The following CENPF variants were observed in gnomAD, a reference collection of about 807,000 sequenced individuals.
The protein encoded by CENPF is centromere protein F, also known as AH antigen.
A neutral mutation model predicts 307.3 loss-of-function variants in CENPF; 214 were observed. The ratio of observed to expected loss-of-function variants is 0.70; its 90% CI spans 0.62 to 0.78. The LOEUF (loss-of-function observed/expected upper bound fraction) is 0.78. CENPF is among the 30% of genes least tolerant of loss of function. The pLI, the probability that CENPF is intolerant of heterozygous loss-of-function variation, is 0.00. For missense variants in CENPF, 3,401 were observed against 3,483.9 expected (o/e 0.98, Z 0.60); for synonymous variants, 1,259 against 1,270.6 (o/e 0.99, Z 0.19).
chr1:214,657,461 A>G (rs1469433154), intron 18 of CENPF, 52 bp downstream of exon 18: 1 of 1,326,236 alleles, frequency 7.5e-7, no homozygotes, highest in Admixed American at 1.9e-5. Context: ...AATTCCATAT[A>G]ATGGTTCACA....
rs144324161 is a variant in CENPF at position 214,650,358 on chromosome 1, G to C, written c.7984-1352G>C. On this transcript the variant is annotated intron_variant, in intron 14 of 19. Coordinates refer to ENST00000366955, the MANE Select transcript of CENPF (RefSeq NM_016343.4). Reference sequence around the variant, plus strand: ...TTGGAGGGGTAGGAAGGGTATGGAGGGGGTGGGAAAGGTTTGGGGTGGGAA... The same window carrying C: ...TTGGAGGGGTAGGAAGGGTATGGAGCGGGTGGGAAAGGTTTGGGGTGGGAA... Among the ~76,000 whole-genome samples, 19 of 152,048 alleles carry C rather than the reference G, an allele frequency of 1.2e-4. No homozygotes were observed. In the East Asian group the frequency reaches 3.7e-3, roughly 30 times the overall value.
chr1:214,607,762 A>G (rs1439295987), intron 1 of CENPF, among the ~76,000 whole-genome samples: 3 of 152,208 alleles, frequency 2.0e-5, no homozygotes, highest in Non-Finnish European at 2.9e-5. Flanking sequence ...AGGGCTGGGG[A>G]CCTGGATGAC....
In CENPF at chr1:214,611,146, TTG is replaced by T. The variant is rs1411652970; in HGVS notation, c.-41-2566_-41-2565del. ...TCAGCTTTGTTCTTTTTGCTTAGGC[TTG>T]TCTTGGCTATTTGGGCTTATTTTTG... On this transcript the variant is annotated intron_variant, in intron 1 of 19. Transcript: ENST00000366955. Among the ~76,000 whole-genome samples, 8 of 152,198 alleles carry T rather than the reference TTG, an allele frequency of 5.3e-5. No individual in the cohort carries two copies. In the East Asian group the frequency reaches 7.7e-4, roughly 15 times the overall value.
rs1658460642 is a variant in CENPF, at chr1:214,651,565, C to T, written c.7984-145C>T. The T allele has an allele frequency of 5.8e-6, 3 of 518,792 alleles. No homozygotes were observed. The East Asian group carries it at 9.9e-5, about 17-fold the overall frequency. 32.1% of individuals were successfully genotyped at this position (518,792 alleles called of 1,614,324 possible). ...GTCACAATTAAAAGTGAATACATTG[C>T]TAAGGATTATAGCACTATTCTGTAC... On this transcript the variant is annotated intron_variant, in intron 14 of 19. Transcript: ENST00000366955.
At chr1:214,644,453 A>G (rs1658222194) in intron 12 of CENPF, 104 bp from the exon 13 acceptor site, 2 of 1,052,084 alleles carry the variant, frequency 1.9e-6, no homozygotes, top group South Asian at 1.8e-5. Flanking sequence ...AGATGTGTTT[A>G]GCAGAGGCCA....
chr1:214,610,791 G>A (rs1657176953), intron 1 of CENPF, among the ~76,000 whole-genome samples: 1 of 152,078 alleles, frequency 6.6e-6, no homozygotes, highest in African/African-American at 2.4e-5. Context: ...TGCCTAGGTT[G>A]TCTTCTGTGG....
rs750577201 is a variant in CENPF at position 214,629,075 on chromosome 1, A to G, written c.1098A>G (p.Lys366=). ...CTGCATTGGAACAAAAACTGAAAAA[A>G]TTGACGGAAGATTTGAGTTGTCAGC... is the stretch of plus-strand genomic sequence containing the variant. The part of the protein sequence containing the change: ...KYTALEQKLK[K]LTEDLSCQRQ... Residue 366 remains lysine (K), a synonymous_variant, in exon 8 of 20, where the codon AAA becomes AAG. Transcript: ENST00000366955. The G allele has an allele frequency of 6.2e-6, 10 of 1,611,082 alleles. No individual in the cohort carries two copies. The East Asian group carries it at 1.8e-4, about 29-fold the overall frequency.
In CENPF at chr1:214,611,356, A is replaced by G. The variant is rs1180128961; in HGVS notation, c.-41-2358A>G. 2.6e-5 allele frequency among the ~76,000 whole-genome samples: 4 copies of G among 151,848 alleles called. No individual in the cohort carries two copies. In the South Asian group the frequency reaches 6.3e-4, roughly 24 times the overall value. On this transcript the variant is annotated intron_variant, in intron 1 of 19. Transcript: ENST00000366955. Reference sequence around the variant, plus strand: ...TTGTGTCACTCTGATTTCTTTGAGCAGTGTTTTCTAATTCTTTTTTTTTTT... The same window carrying G: ...TTGTGTCACTCTGATTTCTTTGAGCGGTGTTTTCTAATTCTTTTTTTTTTT...
At chr1:214,632,132 T>C (rs1375512881) in intron 9 of CENPF, among the ~76,000 whole-genome samples, 1 of 152,124 alleles carries the variant, frequency 6.6e-6, no homozygotes, top group African/African-American at 2.4e-5. Context: ...TATTCTGTTA[T>C]ATATATTGAA....
chr1:214,655,184 C>A (rs1346664817), intron 16 of CENPF, 57 bp from the exon 17 acceptor site: 1 of 1,092,888 alleles, frequency 9.2e-7, no homozygotes, highest in African/African-American at 1.6e-5. Flanking sequence ...AATTATTTTT[C>A]CATATGCTTA....
chr1:214,646,477 A>G lies in CENPF; in HGVS notation c.6907A>G (p.Ile2303Val). The change falls in exon 13 of 20, where the codon ATT becomes GTT. Residue 2303 changes from isoleucine to valine, a missense_variant. Ile to Val is a conservative substitution (Grantham distance 29). Transcript: ENST00000366955. ...GGAAGAGCATCAGCTGAGAAATAGCATTGAAAAGCTGAGAGCCCGCCTAGA... is the reference window on the plus strand; with the variant it reads ...GGAAGAGCATCAGCTGAGAAATAGCGTTGAAAAGCTGAGAGCCCGCCTAGA... The part of the protein sequence containing the change: ...IEEEHQLRNS[I>V]EKLRARLEAD... 6.2e-7 allele frequency: 1 copy of G among 1,614,142 alleles called. No individual in the cohort carries two copies. The highest frequency in any genetic ancestry group is 8.5e-7 in the Non-Finnish European group (1 of 1,180,006).
At chr1:214,621,722 T>C (rs1477708141) in intron 6 of CENPF, among the ~76,000 whole-genome samples, 2 of 152,194 alleles carry the variant, frequency 1.3e-5, no homozygotes, top group African/African-American at 4.8e-5. Context: ...AAAACAAATA[T>C]AGTTTGCTGT....
At position 214,645,254 on chromosome 1, in the gene CENPF, A is replaced by G; in HGVS notation, c.5684A>G (p.Glu1895Gly). The G allele has an allele frequency of 6.2e-7, 1 of 1,614,094 alleles. No individual in the cohort carries two copies. Among genetic ancestry groups the G allele is most frequent in the Non-Finnish European group, 8.5e-7 (1 of 1,180,002 alleles). ...GCCAAGGTGAATGACAGCTGGAAGG[A>G]GAGATTTCTTGATGTGGAAAATGAG... ...NVAKVNDSWK[E>G]RFLDVENELS... The change falls in exon 13 of 20, where the codon GAG (glutamate) becomes GGG (glycine). Residue 1895 changes from glutamate to glycine, a missense_variant. By Grantham distance (98) the Glu-to-Gly change is moderately conservative. Coordinates refer to ENST00000366955, the MANE Select transcript of CENPF (RefSeq NM_016343.4).
intron 10 of CENPF, among the ~76,000 whole-genome samples, chr1:214,636,558 G>A (rs1305367195): frequency 6.6e-6 from 1 of 152,168 alleles, no homozygotes. Flanking sequence ...CTGCCAGCAA[G>A]TTTTCAAGTA....
rs1417988250 is a variant in CENPF at position 214,659,960 on chromosome 1, G to C, written c.9141+932G>C. Among the ~76,000 whole-genome samples the C allele has an allele frequency of 6.6e-6, 1 of 152,150 alleles. No homozygotes were observed. The highest frequency in any genetic ancestry group is 1.5e-5 in the Non-Finnish European group (1 of 68,020). ...ATCAAGTATGCGAGCTGATAACCTT[G>C]AACCAGAAAACAAAGCTTTGAAAGT... On this transcript the variant is annotated intron_variant, in intron 19 of 19. Coordinates refer to ENST00000366955, the MANE Select transcript of CENPF (RefSeq NM_016343.4). The surrounding 1 kb of genome is among the most constrained non-coding windows in gnomAD (Gnocchi z 4.4).
Position 214,663,929 on chromosome 1 carries a change from T to C in CENPF, c.*135T>C. ...CAATTCCTTAGAAGTCTTAAATATA[T>C]TGTACTCTTTAGATCTCCCATGTGT... On this transcript the variant is annotated 3_prime_UTR_variant, in exon 20 of 20. Coordinates refer to ENST00000366955, the MANE Select transcript of CENPF (RefSeq NM_016343.4). The C allele has an allele frequency of 1.4e-6, 1 of 693,174 alleles. No homozygotes were observed. The highest frequency in any genetic ancestry group is 2.9e-5 in the Admixed American group (1 of 34,244). The allele number at this position is 693,174 out of a possible 1,614,324, so 42.9% of individuals were successfully genotyped here. A position where few individuals can be genotyped will look rare whatever the true frequency, so the allele number is the denominator to read the frequency against.
chr1:214,609,060 T>C (rs1657125534), intron 1 of CENPF, among the ~76,000 whole-genome samples: 1 of 151,640 alleles, frequency 6.6e-6, no homozygotes, highest in Non-Finnish European at 1.5e-5. Context: ...CAGGTCTCCA[T>C]GTCACGCCGT....
At chr1:214,613,356 A>G (rs1657248521) in intron 1 of CENPF, 1 of 220,690 alleles carries the variant, frequency 4.5e-6, no homozygotes, top group Non-Finnish European at 9.2e-6. Flanking sequence ...TCAGTTGGAA[A>G]CTTCGAGAGA....
At chr1:214,604,481 CT>C (rs1656969663) in intron 1 of CENPF, among the ~76,000 whole-genome samples, 2 of 152,168 alleles carry the variant, frequency 1.3e-5, no homozygotes, top group South Asian at 4.1e-4. Context: ...TCACAGTTAG[CT>C]TGGTCTACAT....
Sources: gnomAD v4.1 joint callset for allele counts (sites outside exome capture counted in the v4.1 genomes callset) on GRCh38, gnomAD v4.1.1 for gene constraint, Gnocchi (gnomAD v3.1) non-coding constraint, MANE v1.5 for transcripts, NCBI Gene and HGNC (gene_info 2026-07-23, HGNC 2026-07-21) for gene names.